UTRN: variants seen among roughly 807,000 people sequenced by gnomAD.
UTRN encodes utrophin.
In UTRN, 283 loss-of-function variants were observed where a neutral mutation model predicts 463.9. The observed-to-expected ratio is 0.61, with a 90% CI of 0.55 to 0.67. UTRN has a LOEUF of 0.67. Among genes scored for constraint, UTRN ranks in the 30% least tolerant of loss-of-function variants. UTRN has a pLI of 0.00. For synonymous variants in UTRN, 1,442 were observed against 1,431.5 expected, an observed-to-expected ratio of 1.01 and a Z score of -0.17; for missense variants, 3,922 against 4,084.3, an observed-to-expected ratio of 0.96 and a Z score of 1.08.
chr6:144,755,496 CT>C (rs1407107893), intron 57 of UTRN, among the ~76,000 whole-genome samples: 3 of 152,096 alleles, frequency 2.0e-5, no homozygotes, highest in Non-Finnish European at 4.4e-5. Context: ...CTTACCAGAC[CT>C]GTGAATTTCT....
chr6:144,834,366 A>T (rs536984252), intron 69 of UTRN, among the ~76,000 whole-genome samples: 2 of 152,324 alleles, frequency 1.3e-5, no homozygotes, highest in East Asian at 3.9e-4. Flanking sequence ...ATTGATGAAG[A>T]AAGCAAAATA....
intron 52 of UTRN, among the ~76,000 whole-genome samples, chr6:144,692,300 G>A (rs1036469124): frequency 6.6e-6 from 1 of 152,106 alleles, no homozygotes; most frequent in Non-Finnish European, 1.5e-5. Context: ...TCATTGATGG[G>A]CATTTAAGTT....
At chr6:144,740,728 G>A (rs1464707274) in intron 54 of UTRN, among the ~76,000 whole-genome samples, 3 of 152,126 alleles carry the variant, frequency 2.0e-5, no homozygotes, top group Non-Finnish European at 1.5e-5. Context: ...TAAGCCCATC[G>A]ATTGGGTAAA....
intron 42 of UTRN, among the ~76,000 whole-genome samples, chr6:144,532,181 A>G: frequency 6.6e-6 from 1 of 152,166 alleles, no homozygotes; most frequent in Non-Finnish European, 1.5e-5. Context: ...CATTTTTCTT[A>G]TTTTTGGAGT....
chr6:144,519,347 T>C (rs1428542283), intron 39 of UTRN, among the ~76,000 whole-genome samples: 2 of 152,192 alleles, frequency 1.3e-5, no homozygotes, highest in Non-Finnish European at 2.9e-5. Flanking sequence ...AGAAAGTTGA[T>C]GAATATTCAA....
At chr6:144,392,995 G>GCTGC (rs896485131) in intron 2 of UTRN, among the ~76,000 whole-genome samples, 3 of 149,156 alleles carry the variant, frequency 2.0e-5, no homozygotes, top group African/African-American at 7.5e-5. Flanking sequence ...TTTGTGTCCA[G>GCTGC]CTGCCATCCA....
chr6:144,728,191 A>G (rs994317333), intron 53 of UTRN, among the ~76,000 whole-genome samples: 3 of 152,068 alleles, frequency 2.0e-5, no homozygotes, highest in Admixed American at 1.3e-4. Flanking sequence ...AAAATTAAAA[A>G]AAATAATTTT....
At chr6:144,754,642 C>A in intron 56 of UTRN, 78 bp from the exon 57 acceptor site, 1 of 1,387,304 alleles carries the variant, frequency 7.2e-7, no homozygotes, top group Non-Finnish European at 9.8e-7. Flanking sequence ...TTATTATAGT[C>A]TTTAAAGCAA....
At chr6:144,420,175 T>A (rs1159786296) in intron 3 of UTRN, among the ~76,000 whole-genome samples, 1 of 152,138 alleles carries the variant, frequency 6.6e-6, no homozygotes, top group South Asian at 2.1e-4. Flanking sequence ...ATAAAAGAAG[T>A]ATTGGTTAAA....
chr6:144,394,585 C>T (rs192107125), intron 2 of UTRN, among the ~76,000 whole-genome samples: 36 of 152,174 alleles, frequency 2.4e-4, no homozygotes, highest in East Asian at 1.9e-4. Context: ...TATGATGACC[C>T]GGTGTCATGA....
chr6:144,576,495 T>C (rs1267394995), intron 50 of UTRN, among the ~76,000 whole-genome samples: 3 of 152,198 alleles, frequency 2.0e-5, no homozygotes, highest in Non-Finnish European at 4.4e-5. Flanking sequence ...AGAAACCAAC[T>C]TGTATATATA....
chr6:144,531,307 C>A (rs892406591), intron 42 of UTRN, 105 bp downstream of exon 42: 3 of 1,149,576 alleles, frequency 2.6e-6, no homozygotes, highest in East Asian at 2.9e-5. Flanking sequence ...TTTCAGAAGT[C>A]AATGGACAAT....
chr6:144,521,879 T>TGCATGTGGACCTC, intron 39 of UTRN, 101 bp from the exon 40 acceptor site: 9 of 769,154 alleles, frequency 1.2e-5, no homozygotes, highest in Non-Finnish European at 1.6e-5. Flanking sequence ...TGGTTCATGA[T>TGCATGTGGACCTC]ATTGCATTCC....
intron 2 of UTRN, among the ~76,000 whole-genome samples, chr6:144,308,056 C>T (rs1805909841): frequency 6.6e-6 from 1 of 152,140 alleles, no homozygotes; most frequent in South Asian, 2.1e-4. Context: ...GCTGCAATCT[C>T]CTGCCATCGG....
At chr6:144,534,583 T>C (rs1295106214) in intron 43 of UTRN, among the ~76,000 whole-genome samples, 1 of 152,210 alleles carries the variant, frequency 6.6e-6, no homozygotes. Context: ...TATCTATTTC[T>C]TATGAAAGCA....
intron 54 of UTRN, among the ~76,000 whole-genome samples, chr6:144,734,073 A>G (rs1177583086): frequency 6.6e-6 from 1 of 152,136 alleles, no homozygotes; most frequent in African/African-American, 2.4e-5. Flanking sequence ...AACCTATTAC[A>G]AGAACATTTT....
At chr6:144,819,969 G>A (rs895932095) in intron 65 of UTRN, among the ~76,000 whole-genome samples, 23 of 150,916 alleles carry the variant, frequency 1.5e-4, no homozygotes, top group African/African-American at 5.6e-4. Context: ...GGTATAATGA[G>A]TGGTAGGTTG....
At chr6:144,371,881 G>C (rs1780018516) in intron 2 of UTRN, among the ~76,000 whole-genome samples, 1 of 152,178 alleles carries the variant, frequency 6.6e-6, no homozygotes, top group Admixed American at 6.5e-5. Context: ...TGTTGACTAA[G>C]AAATAGGCCT....
chr6:144,507,915 A>T (rs1347865880), intron 34 of UTRN, among the ~76,000 whole-genome samples: 4 of 152,156 alleles, frequency 2.6e-5, no homozygotes, highest in African/African-American at 9.7e-5. Context: ...AGTTTTCTCT[A>T]TAAGCCCCTT....
Sources: gnomAD v4.1 joint callset for allele counts (sites outside exome capture counted in the v4.1 genomes callset) on GRCh38, gnomAD v4.1.1 for gene constraint, MANE v1.5 for transcripts, NCBI Gene and HGNC (gene_info 2026-07-23, HGNC 2026-07-21) for gene names.